Variants in SLC44A1 observed in about 807,000 individuals in gnomAD.
SLC44A1 encodes choline transporter-like protein 1.
A neutral mutation model predicts 79.3 loss-of-function variants in SLC44A1; 26 were observed. That is an observed-to-expected ratio of 0.33 (90% CI 0.24 to 0.46). The LOEUF is 0.46. Among genes scored for constraint, SLC44A1 ranks in the 20% least tolerant of loss-of-function variants. The pLI is 1.00. For synonymous variants in SLC44A1, 263 were observed against 286.2 expected, an observed-to-expected ratio of 0.92 and a Z score of 0.82; for missense variants, 688 against 798.1, an observed-to-expected ratio of 0.86 and a Z score of 1.66.
rs1269965728 is a variant in SLC44A1, at chr9:105,390,808, C to T, written c.*1752C>T. 2 of 985,360 alleles carry T rather than the reference C, an allele frequency of 2.0e-6. No individual in the cohort carries two copies. Among genetic ancestry groups the T allele is most frequent in the Non-Finnish European group, 2.4e-6 (2 of 829,784 alleles). 61.0% of individuals were successfully genotyped at this position (985,360 alleles called of 1,614,324 possible). A position where few individuals can be genotyped will look rare whatever the true frequency, so the allele number is the denominator to read the frequency against. On this transcript the variant is annotated 3_prime_UTR_variant, in exon 16 of 16. Coordinates refer to ENST00000374720, the MANE Select transcript of SLC44A1 (RefSeq NM_080546.5). ...ACACATGCATACACACAATTAAGAG[C>T]TCATGTCTTAGCAAGATCTGGGAAA...
chr9:105,434,603 C>A (rs963334686), intron 15 of SLC44A1, among the ~76,000 whole-genome samples: 14 of 152,106 alleles, frequency 9.2e-5, no homozygotes, highest in African/African-American at 3.4e-4. Flanking sequence ...TAGATGTAGT[C>A]TTGGACTTTA....
chr9:105,272,970 T>A (rs1285233670), intron 1 of SLC44A1, among the ~76,000 whole-genome samples: 1 of 151,496 alleles, frequency 6.6e-6, no homozygotes, highest in African/African-American at 2.4e-5. Context: ...TTCATATATA[T>A]ATATATATGT....
chr9:105,327,595 A>G (rs1010734538), intron 3 of SLC44A1, among the ~76,000 whole-genome samples: 4 of 152,184 alleles, frequency 2.6e-5, no homozygotes, highest in African/African-American at 9.6e-5. Flanking sequence ...ATGATCTAGC[A>G]TCAGCTTGCC....
At chr9:105,403,302 A>C (rs1828982115) in intron 15 of SLC44A1, among the ~76,000 whole-genome samples, 1 of 152,110 alleles carries the variant, frequency 6.6e-6, no homozygotes, top group Admixed American at 6.6e-5. Flanking sequence ...TGGTAGAAGA[A>C]GGTTTATGCA....
Position 105,356,202 on chromosome 9 carries a change from G to C in SLC44A1, c.501-10G>C. 1 of 1,593,730 alleles carries C rather than the reference G, an allele frequency of 6.3e-7. No homozygotes were observed. The highest frequency in any genetic ancestry group is 1.1e-5 in the South Asian group (1 of 87,470). ...ATTTTTTTTCTGATTTTTTTTTCTT[G>C]TGTCACCAGTGCACCTATTCCATTC... On this transcript the variant is annotated splice_polypyrimidine_tract_variant and intron_variant, in intron 5 of 15. Coordinates refer to ENST00000374720, the MANE Select transcript of SLC44A1 (RefSeq NM_080546.5).
chr9:105,387,984 A>C (rs541765648), intron 15 of SLC44A1, among the ~76,000 whole-genome samples: 1 of 152,272 alleles, frequency 6.6e-6, no homozygotes, highest in South Asian at 2.1e-4. Flanking sequence ...ATCTTTATTT[A>C]ATTTTTGCTT....
At chr9:105,433,756 A>C (rs1289242501) in intron 15 of SLC44A1, among the ~76,000 whole-genome samples, 2 of 152,202 alleles carry the variant, frequency 1.3e-5, no homozygotes, top group Non-Finnish European at 2.9e-5. Flanking sequence ...AAATGCCTAA[A>C]GATGCTCACA....
At chr9:105,425,877 A>G (rs553571470) in intron 15 of SLC44A1, among the ~76,000 whole-genome samples, 60 of 152,300 alleles carry the variant, frequency 3.9e-4, no homozygotes, top group African/African-American at 1.4e-3. Context: ...GAGGCAGAAA[A>G]TTCTTACTGG....
At chr9:105,315,473 C>T (rs562648422) in intron 3 of SLC44A1, among the ~76,000 whole-genome samples, 10 of 152,106 alleles carry the variant, frequency 6.6e-5, no homozygotes, top group African/African-American at 2.2e-4. Context: ...TCTTTAAAGT[C>T]ATAGTCCTGT....
intron 15 of SLC44A1, among the ~76,000 whole-genome samples, chr9:105,417,569 A>G (rs1829187971): frequency 6.6e-6 from 1 of 152,186 alleles, no homozygotes; most frequent in Non-Finnish European, 1.5e-5. Context: ...AAAAGGAGCT[A>G]ATAATGCCTT....
intron 1 of SLC44A1, among the ~76,000 whole-genome samples, chr9:105,245,246 G>A (rs931564473): frequency 1.3e-5 from 2 of 152,040 alleles, no homozygotes; most frequent in Non-Finnish European, 2.9e-5. Flanking sequence ...TCTGCCCCAG[G>A]TGGCATCCCC....
At chr9:105,371,353 C>T (rs1828092581) in intron 12 of SLC44A1, among the ~76,000 whole-genome samples, 1 of 152,176 alleles carries the variant, frequency 6.6e-6, no homozygotes, top group African/African-American at 2.4e-5. Context: ...CGGCACAGTT[C>T]CATCACCGTA....
intron 2 of SLC44A1, among the ~76,000 whole-genome samples, chr9:105,307,078 A>G (rs1831051340): frequency 6.6e-6 from 1 of 152,132 alleles, no homozygotes; most frequent in Admixed American, 6.5e-5. Flanking sequence ...TTCCCATTCA[A>G]ATTCACCCCT....
At chr9:105,422,435 C>T (rs747071269) in intron 15 of SLC44A1, among the ~76,000 whole-genome samples, 8 of 151,888 alleles carry the variant, frequency 5.3e-5, no homozygotes, top group Non-Finnish European at 7.4e-5. Context: ...ACTACAGGCG[C>T]GTGCCACCAC....
At chr9:105,432,783 A>G (rs1829413488) in intron 15 of SLC44A1, among the ~76,000 whole-genome samples, 1 of 152,234 alleles carries the variant, frequency 6.6e-6, no homozygotes, top group African/African-American at 2.4e-5. Flanking sequence ...GCTCAGAAAG[A>G]CAGCCAGACT....
chr9:105,369,770 G>T (rs943003616), intron 12 of SLC44A1, among the ~76,000 whole-genome samples: 1 of 152,212 alleles, frequency 6.6e-6, no homozygotes, highest in Non-Finnish European at 1.5e-5. Flanking sequence ...AAGGAAAGAA[G>T]ATGTGAAAAT....
At chr9:105,246,660 T>C (rs1037055599) in intron 1 of SLC44A1, among the ~76,000 whole-genome samples, 2 of 152,208 alleles carry the variant, frequency 1.3e-5, no homozygotes, top group African/African-American at 4.8e-5. Flanking sequence ...AAAAGGTGTT[T>C]TTCAGATTGC....
chr9:105,411,752 T>C (rs1829098194), intron 15 of SLC44A1, among the ~76,000 whole-genome samples: 1 of 152,170 alleles, frequency 6.6e-6, no homozygotes. Context: ...CATGATTAGA[T>C]CCAAGGTATG....
chr9:105,312,981 C>G (rs1200065371), intron 3 of SLC44A1, among the ~76,000 whole-genome samples: 1 of 152,154 alleles, frequency 6.6e-6, no homozygotes, highest in African/African-American at 2.4e-5. Context: ...CCACTCAGCC[C>G]TGCCCTTCCA....
Sources: allele counts gnomAD v4.1 joint callset (sites outside exome capture counted in the v4.1 genomes callset), GRCh38; gene constraint gnomAD v4.1.1; transcripts MANE v1.5; gene names NCBI Gene and HGNC (gene_info 2026-07-23, HGNC 2026-07-21).